Variants in FAF1 observed in about 807,000 individuals in gnomAD.
The protein encoded by FAF1 is Fas associated factor 1, also known as FAS-associated factor 1.
FAF1 carries 25 observed loss-of-function variants against 92.5 expected under a neutral mutation model. That is an observed-to-expected ratio of 0.27 (90% CI 0.20 to 0.38). FAF1 has a LOEUF of 0.38. FAF1 is among the 10% of genes least tolerant of loss of function. The probability of loss-of-function intolerance (pLI) is 1.00; values close to 1 mark genes in which losing one functional copy is unlikely to be tolerated. For synonymous variants in FAF1, 234 were observed against 273.2 expected (o/e 0.86, Z 1.42); for missense variants, 636 against 793.3 (o/e 0.80, Z 2.38).
chr1:50,935,226 T>G (rs890837300), intron 1 of FAF1, among the ~76,000 whole-genome samples: 3 of 152,236 alleles, frequency 2.0e-5, no homozygotes, highest in Admixed American at 6.5e-5. Context: ...TGCCATCAAT[T>G]AATGCCAAAA....
At position 50,477,319 on chromosome 1, in the gene FAF1, A is replaced by T. The variant is rs112809024; in HGVS notation, c.1654-1640T>A. Among the ~76,000 whole-genome samples, 458 of 152,312 alleles carry T rather than the reference A, an allele frequency of 3.0e-3. 4 individuals are homozygous for T. Among genetic ancestry groups the T allele is most frequent in the African/African-American group, 0.01 (435 of 41,564 alleles). On this transcript the variant is annotated intron_variant, in intron 17 of 18. Coordinates refer to ENST00000396153, the MANE Select transcript of FAF1 (RefSeq NM_007051.3). ...TAAAATTTTCAGTATGGCATCTGAC[A>T]CATAATAGGCTTCAGTGATAGCTGC...
chr1:50,623,510 G>A (rs1557441103), intron 8 of FAF1, among the ~76,000 whole-genome samples: 1 of 151,604 alleles, frequency 6.6e-6, no homozygotes, highest in Non-Finnish European at 1.5e-5. Flanking sequence ...TGGAGGGCAA[G>A]TTGCAGTGAG....
intron 8 of FAF1, among the ~76,000 whole-genome samples, chr1:50,613,490 T>C (rs1277632836): frequency 6.6e-6 from 1 of 152,214 alleles, no homozygotes; most frequent in Admixed American, 6.5e-5. Flanking sequence ...GTGGACTTCA[T>C]GGGAATTACA....
Position 50,558,671 on chromosome 1 carries a change from A to G in FAF1, c.1268+8406T>C, listed in dbSNP as rs149529340. Among the ~76,000 whole-genome samples the G allele has an allele frequency of 6.6e-5, 10 of 152,360 alleles. No homozygotes were observed. The East Asian group carries it at 1.3e-3, about 21-fold the overall frequency. On this transcript the variant is annotated intron_variant, in intron 13 of 18. Coordinates refer to ENST00000396153, the MANE Select transcript of FAF1 (RefSeq NM_007051.3). ...GTTATTCTTTTGGAATGGCTTGCCA[A>G]TAATATCACCTTTGTATCTTAGCTT...
chr1:50,611,154 C>T (rs569205669), intron 8 of FAF1, among the ~76,000 whole-genome samples: 1 of 152,294 alleles, frequency 6.6e-6, no homozygotes, highest in East Asian at 1.9e-4. Flanking sequence ...GTATTTGATT[C>T]ACTTTGTTAA....
chr1:50,901,496 G>A (rs1022385857), intron 1 of FAF1, among the ~76,000 whole-genome samples: 4 of 151,714 alleles, frequency 2.6e-5, no homozygotes, highest in Admixed American at 2.6e-4. Flanking sequence ...AGGAGTTTGA[G>A]ATCAGCCTGG....
chr1:50,815,489 T>A (rs1464091506), intron 2 of FAF1, among the ~76,000 whole-genome samples: 4 of 152,242 alleles, frequency 2.6e-5, no homozygotes, highest in Non-Finnish European at 4.4e-5. Context: ...ATTGATTCCA[T>A]GTCTTCGCTA....
At chr1:50,716,598 C>T (rs989364357) in intron 6 of FAF1, among the ~76,000 whole-genome samples, 6 of 152,302 alleles carry the variant, frequency 3.9e-5, no homozygotes, top group Admixed American at 3.9e-4. Flanking sequence ...CCAATCAGAG[C>T]TCTGTGTCTA....
intron 4 of FAF1, among the ~76,000 whole-genome samples, chr1:50,765,257 C>T (rs1285611185): frequency 6.6e-6 from 1 of 152,190 alleles, no homozygotes; most frequent in South Asian, 2.1e-4. Context: ...ACTGAAAACA[C>T]TTTACACACA....
chr1:50,774,069 A>G (rs1257244155), intron 4 of FAF1, among the ~76,000 whole-genome samples: 5 of 152,232 alleles, frequency 3.3e-5, no homozygotes, highest in Admixed American at 1.3e-4. Flanking sequence ...AAATGACCCA[A>G]TAATAAATTA....
chr1:50,522,572 A>G (rs1188636683), intron 15 of FAF1, among the ~76,000 whole-genome samples: 1 of 152,130 alleles, frequency 6.6e-6, no homozygotes, highest in Non-Finnish European at 1.5e-5. Flanking sequence ...AGAGTAACAA[A>G]CTGCTCAGGA....
chr1:50,618,201 T>C (rs1016943907), intron 8 of FAF1, among the ~76,000 whole-genome samples: 5 of 152,078 alleles, frequency 3.3e-5, no homozygotes, highest in African/African-American at 1.2e-4. Context: ...TGGGGTTTAT[T>C]TGTTCTTTTA....
At chr1:50,787,943 C>T (rs1661421796) in intron 4 of FAF1, 57 bp downstream of exon 4, 11 of 1,467,336 alleles carry the variant, frequency 7.5e-6, no homozygotes, top group Non-Finnish European at 1.0e-5. Context: ...AAAAATATAA[C>T]CTGAATGTTT....
intron 1 of FAF1, among the ~76,000 whole-genome samples, chr1:50,905,122 T>G (rs1557583077): frequency 6.6e-6 from 1 of 151,958 alleles, no homozygotes. Context: ...CACCTATGAG[T>G]GAGAACATGT....
chr1:50,588,947 T>C (rs1168555618), intron 9 of FAF1, among the ~76,000 whole-genome samples: 2 of 152,106 alleles, frequency 1.3e-5, no homozygotes, highest in East Asian at 3.9e-4. Context: ...ACATGTGGGA[T>C]GGTCAGGGCT....
At chr1:50,608,847 T>C (rs1386930689) in intron 8 of FAF1, among the ~76,000 whole-genome samples, 1 of 152,222 alleles carries the variant, frequency 6.6e-6, no homozygotes, top group Admixed American at 6.5e-5. Context: ...TAAGAGCTTG[T>C]ATGACTCTGG....
chr1:50,640,831 T>TTTC (rs1654292697), intron 8 of FAF1, among the ~76,000 whole-genome samples: 1 of 119,124 alleles, frequency 8.4e-6, no homozygotes, highest in African/African-American at 2.8e-5. Flanking sequence ...ATCAGCTGAT[T>TTTC]TTTTTTTTTT....
intron 1 of FAF1, among the ~76,000 whole-genome samples, chr1:50,907,162 G>A (rs1644846358): frequency 6.6e-6 from 1 of 152,160 alleles, no homozygotes. Context: ...CTTTGGTTCT[G>A]TTTACACAAC....
intron 12 of FAF1, among the ~76,000 whole-genome samples, chr1:50,570,965 C>T (rs537191802): frequency 3.3e-5 from 5 of 152,094 alleles, no homozygotes; most frequent in Non-Finnish European, 5.9e-5. Context: ...CCACAGAAAA[C>T]GAGTAAGAAA....
Sources: gnomAD v4.1 joint callset for allele counts (sites outside exome capture counted in the v4.1 genomes callset) on GRCh38, gnomAD v4.1.1 for gene constraint, MANE v1.5 for transcripts, NCBI Gene and HGNC (gene_info 2026-07-23, HGNC 2026-07-21) for gene names.